The following ANKLE2 variants were observed in gnomAD, a reference collection of about 807,000 sequenced individuals.
ANKLE2 encodes the protein ankyrin repeat and LEM domain containing 2, also known as ankyrin repeat and LEM domain-containing protein 2.
Under a neutral mutation model 84.2 loss-of-function variants are expected in ANKLE2, and 55 were observed. The observed-to-expected ratio is 0.65, with a 90% CI of 0.53 to 0.82. ANKLE2 has a LOEUF of 0.82. Ranked by LOEUF, ANKLE2 falls within the 40% of genes least tolerant of loss-of-function variation. The probability of loss-of-function intolerance (pLI) is 0.00; values close to 1 mark genes in which losing one functional copy is unlikely to be tolerated. For synonymous variants in ANKLE2, 551 were observed against 486.1 expected (o/e 1.13, Z -1.76); for missense variants, 1,238 against 1,201.9 (o/e 1.03, Z -0.44).
chr12:132,754,476 T>C (rs541302127), intron 2 of ANKLE2, among the ~76,000 whole-genome samples, 199 bp downstream of exon 2: 58 of 152,322 alleles, frequency 3.8e-4, no homozygotes, highest in Admixed American at 7.2e-4. Flanking sequence ...CTCACAAATT[T>C]TAACAGTTCT....
At position 132,743,142 on chromosome 12, in the gene ANKLE2, A is replaced by C. The variant is rs767476280; in HGVS notation, c.1353+12T>G. 5 of 1,592,482 alleles carry C rather than the reference A, an allele frequency of 3.1e-6. No homozygotes were observed. Among genetic ancestry groups the C allele is most frequent in the Non-Finnish European group, 4.3e-6 (5 of 1,167,792 alleles). On this transcript the variant is annotated intron_variant, in intron 6 of 12. Transcript: ENST00000357997. The surrounding 1 kb of genome is among the most constrained non-coding windows in gnomAD (Gnocchi z 4.1). ...AACTCTAGATAGCAACTGCATTGTA[A>C]TAAGTACTTACATCTTCAGGTGTTT...
chr12:132,755,085 G>A lies in ANKLE2; in HGVS notation c.230C>T (p.Pro77Leu), dbSNP rs200115455. The change falls in exon 2 of 13, where the codon CCA (proline) becomes CTA (leucine). Residue 77 changes from proline to leucine, a missense_variant. Pro to Leu is a moderately conservative substitution (Grantham distance 98). Coordinates refer to ENST00000357997, the MANE Select transcript of ANKLE2 (RefSeq NM_015114.3). Reference sequence around the variant, plus strand: ...GACGATTTCTTCTCTAAGGTCATCTGGATTCAGAAGTTTCAATCGAGCCAA... The same window carrying A: ...GACGATTTCTTCTCTAAGGTCATCTAGATTCAGAAGTTTCAATCGAGCCAA... ...ALLARLKLLN[P>L]DDLREEIVKA... 3.3e-4 allele frequency: 539 copies of A among 1,612,630 alleles called. No individual in the cohort carries two copies. The highest frequency in any genetic ancestry group is 4.1e-4 in the Non-Finnish European group (484 of 1,179,902).
At chr12:132,747,269 C>T (rs1398757598) in intron 5 of ANKLE2, among the ~76,000 whole-genome samples, 3 of 150,760 alleles carry the variant, frequency 2.0e-5, no homozygotes, top group Admixed American at 6.6e-5. Flanking sequence ...CACAGCCCTG[C>T]GTGTCAGGCA....
At position 132,729,747 on chromosome 12, in the gene ANKLE2, GGGACTCAA is replaced by G; in HGVS notation, c.2407_2414del (p.Leu803GlnfsTer38). 1 of 1,611,580 alleles carries G rather than the reference GGGACTCAA, an allele frequency of 6.2e-7. No homozygotes were observed. Among genetic ancestry groups the G allele is most frequent in the African/African-American group, 1.3e-5 (1 of 74,524 alleles). On this transcript the variant is annotated frameshift_variant, in exon 11 of 13. Transcript: ENST00000357997. LOFTEE classifies it high-confidence loss of function. ...GCTGATCCTCGTGCCTGGGGCTGCT[GGGACTCAA>G]GGACATTTTAGCGATCCTGGCTGAC...
intron 1 of ANKLE2, chr12:132,759,511 C>CTA (rs568578963): frequency 8.7e-6 from 1 of 115,572 alleles, no homozygotes; most frequent in Non-Finnish European, 1.6e-5. Flanking sequence ...TCTCTGCTGA[C>CTA]TATATATATG....
In ANKLE2 at chr12:132,730,045, T is replaced by C. The variant is rs1309011784; in HGVS notation, c.2117A>G (p.Asn706Ser). 4 of 1,613,124 alleles carry C rather than the reference T, an allele frequency of 2.5e-6. No homozygotes were observed. Among genetic ancestry groups the C allele is most frequent in the Non-Finnish European group, 3.4e-6 (4 of 1,179,828 alleles). ...CTTGCCCGCCAGGGTCCTGCTGTGA[T>C]TCAGAGGATGGCAGAGCCCATTTCT... ...SSRNGLCHPL[N>S]HSRTLAGKRP... Residue 706 changes from asparagine to serine, a missense_variant, in exon 11 of 13, where the codon AAT (asparagine) becomes AGT (serine). By Grantham distance (46) the Asn-to-Ser change is conservative. Coordinates refer to ENST00000357997, the MANE Select transcript of ANKLE2 (RefSeq NM_015114.3).
Position 132,740,625 on chromosome 12 carries a change from G to A in ANKLE2, c.1420+794C>T, listed in dbSNP as rs1023555002. ...CCAGCAAGCAGAAGCTCCAGACTTC[G>A]AGCTAAGATGGCAAAGAAGAGGCGC... On this transcript the variant is annotated intron_variant, in intron 7 of 12. Transcript: ENST00000357997. Among the ~76,000 whole-genome samples the A allele has an allele frequency of 3.3e-5, 5 of 152,006 alleles. No homozygotes were observed. In the East Asian group the frequency reaches 7.7e-4, roughly 24 times the overall value.
chr12:132,749,422 C>T (rs948067004), intron 3 of ANKLE2, among the ~76,000 whole-genome samples: 2 of 152,222 alleles, frequency 1.3e-5, no homozygotes, highest in Non-Finnish European at 2.9e-5. Flanking sequence ...TCCCAAAGTG[C>T]TGGGATCACA....
rs1411092129 is a variant in ANKLE2, at chr12:132,760,746, G to A, written c.181+872C>T. The stretch of plus-strand genomic sequence containing the variant: ...ACTATCTGGAAGCTCCCTGAACCCA[G>A]CCCTTTTGGGTTTTTACAGGAACTT... On this transcript the variant is annotated intron_variant, in intron 1 of 12. Transcript: ENST00000357997. 8 of 152,328 alleles carry A rather than the reference G, an allele frequency of 5.3e-5. No individual in the cohort carries two copies. The East Asian group carries it at 1.5e-3, about 29-fold the overall frequency. The allele number at this position is 152,328 out of a possible 1,614,324, so 9.4% of individuals were successfully genotyped here.
At chr12:132,746,313 C>T (rs565021705) in intron 5 of ANKLE2, among the ~76,000 whole-genome samples, 1 of 141,820 alleles carries the variant, frequency 7.1e-6, no homozygotes, top group Non-Finnish European at 1.5e-5. Context: ...TGTGCCACTG[C>T]ACTCCCACCT....
At chr12:132,755,402 G>C (rs1181610312) in intron 1 of ANKLE2, 1 of 295,652 alleles carries the variant, frequency 3.4e-6, no homozygotes, top group Non-Finnish European at 6.3e-6. Flanking sequence ...AAAATTAGCC[G>C]GGTGTGGTGG....
intron 10 of ANKLE2, among the ~76,000 whole-genome samples, chr12:132,733,058 C>T (rs1226683463): frequency 2.4e-5 from 3 of 122,798 alleles, no homozygotes; most frequent in Admixed American, 8.5e-5. Flanking sequence ...CACCGTGAAG[C>T]GCTCTGCATG....
intron 2 of ANKLE2, among the ~76,000 whole-genome samples, chr12:132,752,649 G>A (rs942557898): frequency 3.9e-5 from 6 of 152,076 alleles, no homozygotes; most frequent in Middle Eastern, 3.2e-3. Flanking sequence ...GATTACAGGC[G>A]TGAGCCACCG....
intron 1 of ANKLE2, chr12:132,759,970 T>A (rs1018599809): frequency 1.1e-4 from 16 of 149,806 alleles, no homozygotes; most frequent in African/African-American, 3.8e-4. Context: ...CCCGTCTCTA[T>A]TAAAAATACA....
Position 132,736,994 on chromosome 12 carries a change from C to T in ANKLE2, c.1492G>A (p.Asp498Asn). The T allele has an allele frequency of 6.2e-7, 1 of 1,613,570 alleles. No individual in the cohort carries two copies. Among genetic ancestry groups the T allele is most frequent in the Non-Finnish European group, 8.5e-7 (1 of 1,179,660 alleles). Residue 498 changes from aspartate (D) to asparagine (N), a missense_variant, in exon 8 of 13, where the codon GAC becomes AAC. Asp to Asn is a conservative substitution (Grantham distance 23). This residue lies in a region of ANKLE2 where 802 missense variants were observed against 774.5 expected (regional missense o/e 1.04). Transcript: ENST00000357997. ...ACGTGAGAGGCCTCAGCCGTCTGGT[C>T]TGGGGACCACAGCTCCCCGATGACT... is the stretch of plus-strand genomic sequence containing the variant. ...SPVIGELWSP[D>N]QTAEASHVSR...
At chr12:132,748,882 T>TATATATATATATATACAC (rs1380526374) in intron 3 of ANKLE2, 2 of 148,516 alleles carry the variant, frequency 1.3e-5, no homozygotes, top group East Asian at 2.0e-4. Flanking sequence ...TATATATATA[T>TATATATATATATATACAC]ACACACGTAT....
At chr12:132,732,704 T>C (rs866654837) in intron 10 of ANKLE2, among the ~76,000 whole-genome samples, 17 of 96,704 alleles carry the variant, frequency 1.8e-4, no homozygotes, top group African/African-American at 2.8e-4. Flanking sequence ...GTGTCTGATA[T>C]GCACCGTGTG....
At chr12:132,754,310 C>T (rs1386115239) in intron 2 of ANKLE2, among the ~76,000 whole-genome samples, 1 of 152,156 alleles carries the variant, frequency 6.6e-6, no homozygotes, top group Admixed American at 6.6e-5. Flanking sequence ...TATTTATACA[C>T]TCATTGGCCA....
At chr12:132,754,654 T>A (rs1249569294) in intron 2 of ANKLE2, 21 bp downstream of exon 2, 1 of 1,574,936 alleles carries the variant, frequency 6.3e-7, no homozygotes, top group East Asian at 2.3e-5. Context: ...TGTGAGGAAA[T>A]CCTACACACG....
Sources: gnomAD v4.1 joint callset for allele counts (sites outside exome capture counted in the v4.1 genomes callset) on GRCh38, gnomAD v4.1.1 for gene constraint, gnomAD v4.1.1 regional missense constraint, Gnocchi (gnomAD v3.1) non-coding constraint, MANE v1.5 for transcripts, NCBI Gene and HGNC (gene_info 2026-07-23, HGNC 2026-07-21) for gene names.